The following RGS3 variants were observed in gnomAD, a reference collection of about 807,000 sequenced individuals.
The protein encoded by RGS3 is regulator of G protein signaling 3, also known as regulator of G-protein signalling 3.
A neutral mutation model predicts 132.6 loss-of-function variants in RGS3; 80 were observed. The observed-to-expected ratio is 0.60, with a 90% CI of 0.50 to 0.73. The LOEUF (loss-of-function observed/expected upper bound fraction) is 0.73, where lower values mean the gene tolerates loss of function less well. Ranked by LOEUF, RGS3 falls within the 30% of genes least tolerant of loss-of-function variation. The probability of loss-of-function intolerance (pLI) is 0.00; values close to 1 mark genes in which losing one functional copy is unlikely to be tolerated. For synonymous variants in RGS3, 598 were observed against 620.6 expected (o/e 0.96, Z 0.54); for missense variants, 1,382 against 1,530.8 (o/e 0.90, Z 1.62).
chr9:113,487,688 C>T (rs1830383867), intron 7 of RGS3, among the ~76,000 whole-genome samples: 1 of 152,118 alleles, frequency 6.6e-6, no homozygotes. Flanking sequence ...GATCTGCAAA[C>T]TCATTGACGT....
At chr9:113,563,540 T>C (rs1384504596) in intron 19 of RGS3, among the ~76,000 whole-genome samples, 1 of 152,160 alleles carries the variant, frequency 6.6e-6, no homozygotes, top group Non-Finnish European at 1.5e-5. Flanking sequence ...TCCATCAGAA[T>C]TGGCCATCTC....
intron 1 of RGS3, among the ~76,000 whole-genome samples, chr9:113,453,142 TA>T (rs1273849474): frequency 0.024 from 3,238 of 132,680 alleles, 93 homozygotes; most frequent in South Asian, 0.059. Context: ...AATATACTCA[TA>T]TGATTATATA....
chr9:113,508,634 A>T, intron 14 of RGS3, 54 bp downstream of exon 12: 5 of 1,591,136 alleles, frequency 3.1e-6, no homozygotes, highest in Non-Finnish European at 4.3e-6. Flanking sequence ...AGCAGGGGTC[A>T]GCTGAGGCCT....
intron 18 of RGS3, chr9:113,536,368 G>C: frequency 2.0e-6 from 1 of 499,306 alleles, no homozygotes; most frequent in Non-Finnish European, 2.6e-6. Context: ...CTGTGAGGAA[G>C]ATGGGTTCTG....
At chr9:113,539,640 A>C (rs1564544524) in intron 19 of RGS3, among the ~76,000 whole-genome samples, 1 of 150,890 alleles carries the variant, frequency 6.6e-6, no homozygotes, top group African/African-American at 2.4e-5. Flanking sequence ...CCCCCACCCC[A>C]CCCCTGCACC....
intron 17 of RGS3, among the ~76,000 whole-genome samples, chr9:113,526,853 C>G (rs1311656711): frequency 6.6e-6 from 1 of 152,156 alleles, no homozygotes; most frequent in African/African-American, 2.4e-5. Context: ...AAAGGAAAAC[C>G]CAGATGCGTG....
intron 19 of RGS3, among the ~76,000 whole-genome samples, chr9:113,556,639 G>A (rs1833577075): frequency 6.6e-6 from 1 of 152,110 alleles, no homozygotes; most frequent in Non-Finnish European, 1.5e-5. Context: ...CTGCCTGTCG[G>A]GTCCCAACCC....
intron 16 of RGS3, among the ~76,000 whole-genome samples, 153 bp downstream of exon 14, chr9:113,517,777 C>A (rs1429638037): frequency 6.6e-6 from 1 of 152,134 alleles, no homozygotes; most frequent in East Asian, 1.9e-4. Context: ...CTCTCCCTAG[C>A]AAAGGCTACC....
chr9:113,461,624 A>AG, intron 1 of RGS3: 2 of 1,388,794 alleles, frequency 1.4e-6, no homozygotes, highest in Non-Finnish European at 2.0e-6. Context: ...AGGAGTCAGG[A>AG]GGGGACCTAC....
chr9:113,569,480 C>T (rs1324683555), intron 19 of RGS3, among the ~76,000 whole-genome samples: 1 of 152,148 alleles, frequency 6.6e-6, no homozygotes, highest in Non-Finnish European at 1.5e-5. Context: ...ATGAAATCTT[C>T]ACTTCTCAGA....
intron 3 of RGS3, among the ~76,000 whole-genome samples, chr9:113,466,135 T>C (rs1829634493): frequency 1.3e-5 from 2 of 152,206 alleles, no homozygotes; most frequent in East Asian, 1.9e-4. Context: ...TAAGAAGCCA[T>C]AGAGCGTTCA....
At chr9:113,499,688 C>T (rs1483048366) in intron 10 of RGS3, among the ~76,000 whole-genome samples, 1 of 152,226 alleles carries the variant, frequency 6.6e-6, no homozygotes, top group East Asian at 1.9e-4. Flanking sequence ...GTCTAAGGCC[C>T]TGCCCCATGG....
intron 14 of RGS3, among the ~76,000 whole-genome samples, chr9:113,510,484 G>T (rs1217625926): frequency 1.3e-5 from 2 of 152,210 alleles, no homozygotes; most frequent in African/African-American, 2.4e-5. Context: ...CTGACTGAAG[G>T]AGAACGACTT....
intron 1 of RGS3, among the ~76,000 whole-genome samples, chr9:113,452,192 G>T (rs534724806): frequency 1.3e-5 from 2 of 151,964 alleles, no homozygotes; most frequent in South Asian, 4.2e-4. Flanking sequence ...GTGGAGATGG[G>T]TCTTGCTATT....
chr9:113,501,686 G>A (rs539519793), intron 10 of RGS3: 3 of 1,496,354 alleles, frequency 2.0e-6, no homozygotes, highest in Non-Finnish European at 2.7e-6. Context: ...TAGGGGTAGA[G>A]GGACCATCTG....
At chr9:113,594,011 C>G (rs1564624545) in intron 21 of RGS3, 1 of 1,613,098 alleles carries the variant, frequency 6.2e-7, no homozygotes, top group South Asian at 1.1e-5. Flanking sequence ...ATGCCCCTTT[C>G]ACGGCTCCCT....
chr9:113,477,988 G>A (rs567680222), intron 3 of RGS3, among the ~76,000 whole-genome samples: 3 of 152,348 alleles, frequency 2.0e-5, no homozygotes, highest in South Asian at 2.1e-4. Context: ...AAACATTTTC[G>A]ATGTCACCGA....
intron 9 of RGS3, among the ~76,000 whole-genome samples, 187 bp from the exon 8 acceptor site, chr9:113,497,838 C>G (rs960948828): frequency 6.6e-6 from 1 of 152,148 alleles, no homozygotes; most frequent in South Asian, 2.1e-4. Flanking sequence ...TTCTGCCTTT[C>G]CCACATGCAG....
intron 19 of RGS3, among the ~76,000 whole-genome samples, chr9:113,539,861 G>A (rs1832830627): frequency 6.6e-6 from 1 of 152,172 alleles, no homozygotes; most frequent in Non-Finnish European, 1.5e-5. Context: ...GGGAGTCAGG[G>A]GAAGATGGAC....
Sources: allele counts gnomAD v4.1 joint callset (sites outside exome capture counted in the v4.1 genomes callset), GRCh38; gene constraint gnomAD v4.1.1; transcripts MANE v1.5; gene names NCBI Gene and HGNC (gene_info 2026-07-23, HGNC 2026-07-21).